The following SH3GL2 variants were observed in gnomAD, a reference collection of about 807,000 sequenced individuals.
SH3GL2 encodes SH3 domain containing GRB2 like 2, endophilin A1.
In SH3GL2, 24 loss-of-function variants were observed where a neutral mutation model predicts 46.0. The observed-to-expected ratio is 0.52, with a 90% confidence interval of 0.38 to 0.73. The LOEUF is 0.73. Ranked by LOEUF, SH3GL2 falls within the 30% of genes least tolerant of loss-of-function variation. SH3GL2 has a pLI of 0.00. For synonymous variants in SH3GL2, 196 were observed against 147.1 expected, an observed-to-expected ratio of 1.33 and a Z score of -2.40; for missense variants, 413 against 424.2, an observed-to-expected ratio of 0.97 and a Z score of 0.23.
At chr9:17,727,742 C>T (rs924725111) in intron 1 of SH3GL2, among the ~76,000 whole-genome samples, 5 of 152,280 alleles carry the variant, frequency 3.3e-5, no homozygotes, top group Admixed American at 2.6e-4. Context: ...CATGGTCCCT[C>T]ACAGGGACCC....
chr9:17,654,562 C>T (rs1333772316), intron 1 of SH3GL2, among the ~76,000 whole-genome samples: 1 of 152,078 alleles, frequency 6.6e-6, no homozygotes, highest in African/African-American at 2.4e-5. Flanking sequence ...TAGATTAGGG[C>T]TTGGAATGAA....
At chr9:17,682,125 G>A (rs149028188) in intron 1 of SH3GL2, among the ~76,000 whole-genome samples, 10,429 of 152,214 alleles carry the variant, frequency 0.069, 562 homozygotes, top group Admixed American at 0.18. Flanking sequence ...ATGTAAATTA[G>A]TTCAACCATT....
intron 1 of SH3GL2, among the ~76,000 whole-genome samples, chr9:17,673,408 A>T (rs1275513941): frequency 6.6e-6 from 1 of 151,516 alleles, no homozygotes; most frequent in East Asian, 1.9e-4. Context: ...TGCCTCCCAA[A>T]GTGCTGGGAT....
rs1405879608 is a variant in SH3GL2 at position 17,796,769 on chromosome 9, G to T, written c.*1026G>T. 2 of 152,576 alleles carry T rather than the reference G, an allele frequency of 1.3e-5. No homozygotes were observed. Among genetic ancestry groups the T allele is most frequent in the Non-Finnish European group, 2.9e-5 (2 of 68,026 alleles). 9.5% of individuals were successfully genotyped at this position (152,576 alleles called of 1,614,324 possible). A position where few individuals can be genotyped will look rare whatever the true frequency, so the allele number is the denominator to read the frequency against. ...CCCTCAATGAGGACCAAATAAAGAT[G>T]ATTTTTGTGCTTAGCAGTTTAAGGT... On this transcript the variant is annotated 3_prime_UTR_variant, in exon 9 of 9. Transcript: ENST00000380607.
chr9:17,599,791 GT>G (rs2134561182), intron 1 of SH3GL2, among the ~76,000 whole-genome samples: 1 of 152,236 alleles, frequency 6.6e-6, no homozygotes, highest in African/African-American at 2.4e-5. Flanking sequence ...GGGTCACAAT[GT>G]TAATTATCTC....
Position 17,745,892 on chromosome 9 carries a change from G to A in SH3GL2, c.46-1174G>A, listed in dbSNP as rs528542100. The stretch of plus-strand genomic sequence containing the variant: ...TGATATCTGTGTGCGATAACTTTAT[G>A]TAATACAGTGACAACTTAGGGAAAA... On this transcript the variant is annotated intron_variant, in intron 1 of 8. Coordinates refer to ENST00000380607, the MANE Select transcript of SH3GL2 (RefSeq NM_003026.5). 2.0e-5 allele frequency among the ~76,000 whole-genome samples: 3 copies of A among 152,234 alleles called. No homozygotes were observed. The East Asian group carries it at 5.8e-4, about 29-fold the overall frequency.
intron 3 of SH3GL2, among the ~76,000 whole-genome samples, chr9:17,779,274 T>A (rs566878337): frequency 1.2e-4 from 19 of 152,328 alleles, no homozygotes; most frequent in African/African-American, 4.6e-4. Flanking sequence ...TGCATCAGGT[T>A]GACCACCACT....
chr9:17,671,206 A>G (rs900457909), intron 1 of SH3GL2, among the ~76,000 whole-genome samples: 4 of 151,880 alleles, frequency 2.6e-5, no homozygotes, highest in African/African-American at 9.7e-5. Flanking sequence ...CTTTTAAGTC[A>G]TTCATTTATT....
At chr9:17,601,567 A>G (rs1818674077) in intron 1 of SH3GL2, among the ~76,000 whole-genome samples, 1 of 152,300 alleles carries the variant, frequency 6.6e-6, no homozygotes, top group South Asian at 2.1e-4. Flanking sequence ...CTTTTTAGTC[A>G]TAAAAATCAA....
intron 3 of SH3GL2, 126 bp downstream of exon 3, chr9:17,761,635 G>A: frequency 1.3e-6 from 1 of 773,338 alleles, no homozygotes; most frequent in Non-Finnish European, 2.4e-6. Flanking sequence ...TTTCTGAGAG[G>A]TTAGCGACTT....
At position 17,676,820 on chromosome 9, in the gene SH3GL2, A is replaced by G. The variant is rs190293348; in HGVS notation, c.46-70246A>G. ...TCTGAGTCATAACAGATGCTTCTCC[A>G]TCTTGCTTTCTCATCTTTCTCTAGT... On this transcript the variant is annotated intron_variant, in intron 1 of 8. Transcript: ENST00000380607. Among the ~76,000 whole-genome samples the G allele has an allele frequency of 1.1e-3, 162 of 152,120 alleles. 1 individual carries two copies. Among genetic ancestry groups the G allele is most frequent in the African/African-American group, 3.2e-3 (131 of 41,522 alleles).
chr9:17,653,724 T>C (rs1820006577), intron 1 of SH3GL2: 1 of 169,988 alleles, frequency 5.9e-6, no homozygotes. Context: ...ACTTAAATGA[T>C]TTATTGCTCA....
intron 2 of SH3GL2, among the ~76,000 whole-genome samples, chr9:17,760,486 T>C (rs1563843017): frequency 6.6e-6 from 1 of 151,996 alleles, no homozygotes; most frequent in African/African-American, 2.4e-5. Flanking sequence ...TATACTGATA[T>C]TATATACTGG....
At chr9:17,706,961 G>A (rs965622457) in intron 1 of SH3GL2, among the ~76,000 whole-genome samples, 2 of 152,000 alleles carry the variant, frequency 1.3e-5, no homozygotes, top group African/African-American at 4.8e-5. Flanking sequence ...GCATTTCAGA[G>A]TAAAAGGGAT....
chr9:17,666,772 C>T (rs972965200), intron 1 of SH3GL2, among the ~76,000 whole-genome samples: 8 of 152,060 alleles, frequency 5.3e-5, no homozygotes, highest in African/African-American at 1.9e-4. Context: ...TGGGTAACTT[C>T]CTGGAAGTAA....
chr9:17,729,711 A>G (rs141095913), intron 1 of SH3GL2, among the ~76,000 whole-genome samples: 282 of 152,354 alleles, frequency 1.9e-3, no homozygotes, highest in African/African-American at 6.4e-3. Context: ...CATTGACTAA[A>G]TAGGTAATTC....
intron 1 of SH3GL2, among the ~76,000 whole-genome samples, chr9:17,583,482 G>A (rs959356683): frequency 5.9e-5 from 9 of 152,296 alleles, no homozygotes; most frequent in Non-Finnish European, 1.3e-4. Flanking sequence ...GAAGCAAAGG[G>A]TGGGCCCTAG....
Position 17,703,244 on chromosome 9 carries a change from AC to A in SH3GL2, c.46-43821del, listed in dbSNP as rs973308934. Among the ~76,000 whole-genome samples, 3 of 152,226 alleles carry A rather than the reference AC, an allele frequency of 2.0e-5. No individual in the cohort carries two copies. In the South Asian group the frequency reaches 6.2e-4, roughly 32 times the overall value. ...GGATTGTATGGCTCGGGGAAAAAAA[AC>A]AATAAAAATATTTTATAAATAACTA... On this transcript the variant is annotated intron_variant, in intron 1 of 8. Coordinates refer to ENST00000380607, the MANE Select transcript of SH3GL2 (RefSeq NM_003026.5).
chr9:17,637,097 C>A (rs1819559910), intron 1 of SH3GL2, among the ~76,000 whole-genome samples: 1 of 152,186 alleles, frequency 6.6e-6, no homozygotes, highest in African/African-American at 2.4e-5. Flanking sequence ...CTGAGAAGAA[C>A]TGAAGTTGTT....
Sources: gnomAD v4.1 joint callset for allele counts (sites outside exome capture counted in the v4.1 genomes callset) on GRCh38, gnomAD v4.1.1 for gene constraint, MANE v1.5 for transcripts, NCBI Gene and HGNC (gene_info 2026-07-23, HGNC 2026-07-21) for gene names.